LRP11: variants seen among roughly 807,000 people sequenced by gnomAD.
LRP11 encodes LDL receptor related protein 11.
In LRP11, 25 loss-of-function variants were observed where a neutral mutation model predicts 43.1. The observed-to-expected ratio is 0.58, with a 90% confidence interval of 0.42 to 0.81. The LOEUF (loss-of-function observed/expected upper bound fraction) is 0.81. LRP11 is among the 30% of genes least tolerant of loss of function. The pLI is 0.00. For missense variants in LRP11, 623 were observed against 665.1 expected, an observed-to-expected ratio of 0.94 and a Z score of 0.70; for synonymous variants, 316 against 299.4, an observed-to-expected ratio of 1.06 and a Z score of -0.57.
Position 149,853,151 on chromosome 6 carries a change from G to C in LRP11, c.623C>G (p.Ala208Gly), listed in dbSNP as rs150922217. The change falls in exon 2 of 7, where the codon GCG becomes GGG. Residue 208 changes from alanine (A) to glycine (G), a missense_variant. By Grantham distance (60) the Ala-to-Gly change is moderately conservative. Coordinates refer to ENST00000239367, the MANE Select transcript of LRP11 (RefSeq NM_032832.6). ...ARASPRQEKD[A>G]PPLSKAGQDV... ...CTGCCCAGCCTTGCTAAGTGGAGGCGCATCCTTTTCTGAGAAAGAAAATAA... is the reference window on the plus strand; with the variant it reads ...CTGCCCAGCCTTGCTAAGTGGAGGCCCATCCTTTTCTGAGAAAGAAAATAA... The C allele has an allele frequency of 1.3e-6, 2 of 1,566,080 alleles. No homozygotes were observed.
At chr6:149,846,951 A>AATAAT (rs1776642262) in intron 2 of LRP11, among the ~76,000 whole-genome samples, 3 of 80,376 alleles carry the variant, frequency 3.7e-5, no homozygotes, top group Non-Finnish European at 8.5e-5. Context: ...AATAAAATAA[A>AATAAT]ATAATAGAAT....
intron 5 of LRP11, among the ~76,000 whole-genome samples, chr6:149,833,345 GCTACT>G (rs765205798): frequency 3.3e-5 from 5 of 152,180 alleles, no homozygotes; most frequent in Non-Finnish European, 7.3e-5. Context: ...GGCAGGGACA[GCTACT>G]GTCTGAACAG....
chr6:149,843,251 C>G, intron 2 of LRP11, 127 bp from the exon 3 acceptor site: 1 of 960,856 alleles, frequency 1.0e-6, no homozygotes, highest in Non-Finnish European at 1.6e-6. Context: ...CGGCCCGAGG[C>G]TGCTGAACTA....
At chr6:149,829,243 A>G (rs1055669686) in intron 5 of LRP11, among the ~76,000 whole-genome samples, 1 of 152,154 alleles carries the variant, frequency 6.6e-6, no homozygotes, top group Non-Finnish European at 1.5e-5. Context: ...CATGGTGGGA[A>G]ACTCAAGTCC....
At chr6:149,835,052 A>T (rs1413165460) in intron 5 of LRP11, among the ~76,000 whole-genome samples, 1 of 152,224 alleles carries the variant, frequency 6.6e-6, no homozygotes, top group Non-Finnish European at 1.5e-5. Context: ...GACATTAGAA[A>T]AGCTTTTGGA....
At chr6:149,846,965 A>ATAGAATAGAATAGAC (rs1325589393) in intron 2 of LRP11, among the ~76,000 whole-genome samples, 4 of 143,304 alleles carry the variant, frequency 2.8e-5, no homozygotes, top group Non-Finnish European at 6.1e-5. Context: ...ATAGAATAGA[A>ATAGAATAGAATAGAC]TAGAATAGAA....
At chr6:149,834,631 A>G (rs1776449254) in intron 5 of LRP11, among the ~76,000 whole-genome samples, 1 of 152,188 alleles carries the variant, frequency 6.6e-6, no homozygotes, top group Non-Finnish European at 1.5e-5. Context: ...GCTCTTCTCC[A>G]TACAAACTAT....
chr6:149,851,557 A>G (rs1181096520), intron 2 of LRP11, among the ~76,000 whole-genome samples: 1 of 152,208 alleles, frequency 6.6e-6, no homozygotes, highest in Non-Finnish European at 1.5e-5. Context: ...GGATAAAAAG[A>G]TGAGTTCAGT....
At chr6:149,862,328 A>G (rs905100988) in intron 1 of LRP11, among the ~76,000 whole-genome samples, 6 of 152,184 alleles carry the variant, frequency 3.9e-5, no homozygotes, top group Non-Finnish European at 7.3e-5. Context: ...CATCTTGCTG[A>G]TATCATTCGT....
At chr6:149,824,418 G>T (rs1252658661) in intron 6 of LRP11, among the ~76,000 whole-genome samples, 4 of 152,228 alleles carry the variant, frequency 2.6e-5, no homozygotes, top group African/African-American at 7.2e-5. Context: ...AATTATTCTT[G>T]ACTTTTAATA....
At chr6:149,833,051 G>A (rs144963544) in intron 5 of LRP11, among the ~76,000 whole-genome samples, 2,150 of 152,044 alleles carry the variant, frequency 0.014, 64 homozygotes, top group African/African-American at 0.048. Context: ...CTTGTGATCC[G>A]CCTGCCTCGG....
rs571952391 is a variant in LRP11, at chr6:149,839,694, G to A, written c.914-2231C>T. On this transcript the variant is annotated intron_variant, in intron 3 of 6. Coordinates refer to ENST00000239367, the MANE Select transcript of LRP11 (RefSeq NM_032832.6). ...ATTTGAGACGGAGTCTCGCTGTGTC[G>A]CCCAGGCTGGAGTGCGGTGGCACAA... Among the ~76,000 whole-genome samples the A allele has an allele frequency of 9.0e-3, 1,371 of 152,030 alleles. 21 individuals are homozygous for A. Among genetic ancestry groups the A allele is most frequent in the African/African-American group, 0.031 (1,268 of 41,466 alleles).
chr6:149,823,463 T>C (rs1185384468), intron 6 of LRP11, among the ~76,000 whole-genome samples: 20 of 152,140 alleles, frequency 1.3e-4, no homozygotes, highest in Admixed American at 1.3e-3. Context: ...CGACACCTCT[T>C]CCTTTAGTAC....
intron 6 of LRP11, among the ~76,000 whole-genome samples, chr6:149,822,520 G>A (rs1398748937): frequency 2.8e-5 from 4 of 143,384 alleles, no homozygotes; most frequent in Admixed American, 1.4e-4. Context: ...AAAAAAAAAA[G>A]ACTGAAGTGA....
At chr6:149,823,920 C>T (rs1210224058) in intron 6 of LRP11, among the ~76,000 whole-genome samples, 1 of 152,140 alleles carries the variant, frequency 6.6e-6, no homozygotes, top group Non-Finnish European at 1.5e-5. Context: ...GCTGCCTGGT[C>T]TCTCCATGCC....
chr6:149,849,278 T>C (rs1776684654), intron 2 of LRP11, among the ~76,000 whole-genome samples: 2 of 152,262 alleles, frequency 1.3e-5, no homozygotes, highest in Admixed American at 6.5e-5. Flanking sequence ...TTATGTTTAA[T>C]AACCATGAAA....
chr6:149,839,064 T>G (rs920333028), intron 3 of LRP11, among the ~76,000 whole-genome samples: 4 of 151,234 alleles, frequency 2.6e-5, no homozygotes, highest in Admixed American at 6.6e-5. Context: ...TTTTTTTGTT[T>G]TTTTTTTTTT....
chr6:149,844,998 G>A (rs901726069), intron 2 of LRP11, among the ~76,000 whole-genome samples: 15 of 152,142 alleles, frequency 9.9e-5, no homozygotes, highest in African/African-American at 3.6e-4. Context: ...AGCCCACCCA[G>A]GTGACCCATG....
rs1235026126 is a variant in LRP11 at position 149,826,276 on chromosome 6, C to T, written c.1336G>A (p.Ala446Thr). ...KGDGGGGEHPAPETGAVLPLA... is the reference protein window; with the variant it reads ...KGDGGGGEHPTPETGAVLPLA... Reference sequence around the variant, plus strand: ...GGTGGACATTTACCTGTTTCTGGGGCTGGGTGTTCCCCTCCTCCTCCATCA... The same window carrying T: ...GGTGGACATTTACCTGTTTCTGGGGTTGGGTGTTCCCCTCCTCCTCCATCA... The change falls in exon 6 of 7, where the codon GCC becomes ACC. Residue 446 changes from alanine to threonine, a missense_variant. By Grantham distance (58) the Ala-to-Thr change is moderately conservative (BLOSUM62 0). Transcript: ENST00000239367. 3.1e-6 allele frequency: 5 copies of T among 1,612,942 alleles called. No individual in the cohort carries two copies. The highest frequency in any genetic ancestry group is 4.2e-6 in the Non-Finnish European group (5 of 1,178,948).
Sources: allele counts gnomAD v4.1 joint callset (sites outside exome capture counted in the v4.1 genomes callset), GRCh38; gene constraint gnomAD v4.1.1; transcripts MANE v1.5; gene names NCBI Gene and HGNC (gene_info 2026-07-23, HGNC 2026-07-21).